Variants in FBXL17 observed in about 807,000 individuals in gnomAD.
The protein encoded by FBXL17 is F-box/LRR-repeat protein 17.
In FBXL17, 22 loss-of-function variants were observed where a neutral mutation model predicts 66.2. The observed-to-expected ratio is 0.33, with a 90% CI of 0.24 to 0.47. The LOEUF is 0.47. Ranked by LOEUF, FBXL17 falls within the 20% of genes least tolerant of loss-of-function variation. FBXL17 has a pLI of 1.00. For synonymous variants in FBXL17, 474 were observed against 400.5 expected, an observed-to-expected ratio of 1.18 and a Z score of -2.19; for missense variants, 878 against 948.2, an observed-to-expected ratio of 0.93 and a Z score of 0.97.
intron 4 of FBXL17, among the ~76,000 whole-genome samples, chr5:108,270,034 T>A (rs1757203082): frequency 6.6e-6 from 1 of 152,002 alleles, no homozygotes; most frequent in African/African-American, 2.4e-5. Context: ...CCAAACCAAG[T>A]ATCAAAGCTA....
At chr5:108,341,507 G>A (rs1425174729) in intron 4 of FBXL17, among the ~76,000 whole-genome samples, 1 of 152,104 alleles carries the variant, frequency 6.6e-6, no homozygotes, top group Non-Finnish European at 1.5e-5. Context: ...ATTTATGGGT[G>A]ACAGGCATAC....
intron 6 of FBXL17, among the ~76,000 whole-genome samples, chr5:108,107,837 AAAAAG>A (rs2149949037): frequency 6.6e-6 from 1 of 151,764 alleles, no homozygotes; most frequent in East Asian, 1.9e-4. Flanking sequence ...AAGAAAAAAG[AAAAAG>A]AAAAGAGAGA....
At chr5:108,176,769 A>G (rs1752808701) in intron 6 of FBXL17, among the ~76,000 whole-genome samples, 1 of 152,190 alleles carries the variant, frequency 6.6e-6, no homozygotes. Context: ...AAAAGAATCA[A>G]TATCAGAACT....
chr5:108,340,125 A>G (rs1427349874), intron 4 of FBXL17, among the ~76,000 whole-genome samples: 2 of 151,596 alleles, frequency 1.3e-5, no homozygotes, highest in Non-Finnish European at 2.9e-5. Context: ...AAGCTATGTG[A>G]TTAAAAAAAA....
intron 6 of FBXL17, among the ~76,000 whole-genome samples, chr5:108,120,827 T>G (rs1750461537): frequency 6.6e-6 from 1 of 152,156 alleles, no homozygotes; most frequent in Admixed American, 6.5e-5. Context: ...CTTGTTTCAC[T>G]GATGTATCCT....
At chr5:108,116,680 A>G (rs1237473803) in intron 6 of FBXL17, among the ~76,000 whole-genome samples, 1 of 151,766 alleles carries the variant, frequency 6.6e-6, no homozygotes, top group African/African-American at 2.4e-5. Flanking sequence ...AATAATAATA[A>G]AACAAGTTAA....
intron 7 of FBXL17, among the ~76,000 whole-genome samples, chr5:107,941,179 G>C (rs1473144943): frequency 6.6e-6 from 1 of 151,912 alleles, no homozygotes; most frequent in African/African-American, 2.4e-5. Context: ...AGGTTTGTTA[G>C]CAAGGTGTGT....
At chr5:108,251,511 TCC>T (rs1756349653) in intron 4 of FBXL17, among the ~76,000 whole-genome samples, 1 of 152,020 alleles carries the variant, frequency 6.6e-6, no homozygotes, top group Non-Finnish European at 1.5e-5. Flanking sequence ...ATAGAAATCT[TCC>T]TACAGCCAGA....
chr5:108,182,603 T>G (rs1028647682), intron 6 of FBXL17, among the ~76,000 whole-genome samples: 3 of 152,196 alleles, frequency 2.0e-5, no homozygotes, highest in Non-Finnish European at 4.4e-5. Context: ...ACTTTTCCAT[T>G]AAAAACATAA....
At chr5:108,300,089 T>C (rs763200685) in intron 4 of FBXL17, among the ~76,000 whole-genome samples, 16 of 152,208 alleles carry the variant, frequency 1.1e-4, no homozygotes, top group Admixed American at 2.0e-4. Flanking sequence ...AGATTTTTGT[T>C]AACATTTTAG....
chr5:107,963,359 G>C (rs1245317800), intron 7 of FBXL17, among the ~76,000 whole-genome samples: 3 of 152,086 alleles, frequency 2.0e-5, no homozygotes, highest in Non-Finnish European at 4.4e-5. Context: ...CTGTGTGTGT[G>C]TATGTGTATA....
intron 6 of FBXL17, among the ~76,000 whole-genome samples, chr5:108,079,925 A>C (rs1748699989): frequency 6.6e-6 from 1 of 152,214 alleles, no homozygotes; most frequent in Non-Finnish European, 1.5e-5. Flanking sequence ...TTGTTTCTAC[A>C]TTTTTGTTCA....
Position 108,177,932 on chromosome 5 carries a change from T to TATATATATATATATATACAC in FBXL17, c.1745+8184_1745+8185insGTGTATATATATATATATAT, listed in dbSNP as rs1242739302. 2.2e-4 allele frequency among the ~76,000 whole-genome samples: 28 copies of TATATATATATATATATACAC among 126,880 alleles called. 1 individual carries two copies. Among genetic ancestry groups the TATATATATATATATATACAC allele is most frequent in the East Asian group, 4.8e-4 (2 of 4,142 alleles). The allele number at this position is 126,880 out of a possible 152,430, so 83.2% of individuals were successfully genotyped here. ...AAATGTATATATATATATATATATA[T>TATATATATATATATATACAC]ACACACACACACTATTACCTCACTA... On this transcript the variant is annotated intron_variant, in intron 6 of 8. Transcript: ENST00000542267.
At chr5:107,908,676 T>C (rs1749844567) in intron 7 of FBXL17, among the ~76,000 whole-genome samples, 1 of 152,028 alleles carries the variant, frequency 6.6e-6, no homozygotes, top group South Asian at 2.1e-4. Flanking sequence ...ACAAGACAGC[T>C]GAAAAGTGAC....
chr5:108,162,286 C>T (rs1000479041), intron 6 of FBXL17, among the ~76,000 whole-genome samples: 5 of 152,014 alleles, frequency 3.3e-5, no homozygotes, highest in Non-Finnish European at 7.4e-5. Flanking sequence ...TTGCTTGAGG[C>T]CAGGTATTTG....
intron 3 of FBXL17, among the ~76,000 whole-genome samples, chr5:108,349,464 G>A (rs1231800245): frequency 1.3e-5 from 2 of 152,116 alleles, no homozygotes; most frequent in East Asian, 1.9e-4. Context: ...CTCAAGTAAT[G>A]ACATCAGAAA....
intron 6 of FBXL17, among the ~76,000 whole-genome samples, chr5:108,142,502 T>A (rs1042128323): frequency 6.6e-6 from 1 of 152,236 alleles, no homozygotes; most frequent in Non-Finnish European, 1.5e-5. Flanking sequence ...GCAGCAGTGC[T>A]CTGGCATTCA....
At chr5:107,952,046 T>A (rs1257221442) in intron 7 of FBXL17, among the ~76,000 whole-genome samples, 1 of 152,200 alleles carries the variant, frequency 6.6e-6, no homozygotes, top group Non-Finnish European at 1.5e-5. Flanking sequence ...TAAGCTCAAT[T>A]AATTTCTGAA....
intron 7 of FBXL17, among the ~76,000 whole-genome samples, chr5:108,006,804 G>GA (rs1345134377): frequency 6.6e-6 from 1 of 152,306 alleles, no homozygotes; most frequent in African/African-American, 2.4e-5. Flanking sequence ...TGTTCAAGGA[G>GA]AAAATCCTTT....
Sources: allele counts gnomAD v4.1 joint callset (sites outside exome capture counted in the v4.1 genomes callset), GRCh38; gene constraint gnomAD v4.1.1; transcripts MANE v1.5; gene names NCBI Gene and HGNC (gene_info 2026-07-23, HGNC 2026-07-21).